Variants in MACF1 observed in about 807,000 individuals in gnomAD.
MACF1 encodes the protein microtubule-actin cross-linking factor 1.
In MACF1, 193 loss-of-function variants were observed where a neutral mutation model predicts 854.8. That is an observed-to-expected ratio of 0.23 (90% confidence interval 0.20 to 0.25). The LOEUF is 0.25. MACF1 is among the 10% of genes least tolerant of loss of function. The pLI, the probability that MACF1 is intolerant of heterozygous loss-of-function variation, is 1.00. For synonymous variants in MACF1, 3,185 were observed against 3,226.7 expected (o/e 0.99, Z 0.44); for missense variants, 7,722 against 8,929.1 (o/e 0.86, Z 5.45).
chr1:39,317,130 A>C (rs1646427302), intron 28 of MACF1, 84 bp from the exon 29 acceptor site: 2 of 1,328,194 alleles, frequency 1.5e-6, no homozygotes, highest in African/African-American at 2.9e-5. Flanking sequence ...ATAGCTGTAG[A>C]CCGTGTCCTT....
intron 2 of MACF1, among the ~76,000 whole-genome samples, chr1:39,154,719 G>A (rs1643648415): frequency 6.8e-6 from 1 of 146,844 alleles, no homozygotes; most frequent in African/African-American, 2.4e-5. Context: ...GCAGGGTAAG[G>A]GATTTTTTTT....
chr1:39,214,995 T>A (rs1230562497), intron 1 of MACF1, among the ~76,000 whole-genome samples: 1 of 152,154 alleles, frequency 6.6e-6, no homozygotes, highest in East Asian at 1.9e-4. Context: ...CAAAGACCAG[T>A]TTCTTCCTAC....
chr1:39,484,762 G>A, intron 100 of MACF1, 32 bp downstream of exon 100: 1 of 1,614,030 alleles, frequency 6.2e-7, no homozygotes, highest in Non-Finnish European at 8.5e-7. Context: ...TACAAGCCAG[G>A]CTGAGAATTT....
intron 23 of MACF1, among the ~76,000 whole-genome samples, chr1:39,306,860 A>AATAATT (rs1553239291): frequency 1.4e-5 from 2 of 144,876 alleles, no homozygotes; most frequent in African/African-American, 5.0e-5. Context: ...CATTTTTTGA[A>AATAATT]ATTATTATTA....
intron 5 of MACF1, 25 bp from the exon 6 acceptor site, chr1:39,257,911 A>G (rs752625062): frequency 2.6e-6 from 4 of 1,549,932 alleles, no homozygotes; most frequent in Non-Finnish European, 3.6e-6. Context: ...TAGAGCTCTG[A>G]GCCGTGCTTT....
chr1:39,485,055 G>A, intron 100 of MACF1: 1 of 391,730 alleles, frequency 2.6e-6, no homozygotes. Flanking sequence ...CAGCTTGCTA[G>A]TAATTTTTCC....
chr1:39,243,758 C>T (rs1644950765), intron 2 of MACF1, among the ~76,000 whole-genome samples: 1 of 152,120 alleles, frequency 6.6e-6, no homozygotes, highest in Admixed American at 6.5e-5. Context: ...TTGTGGAAAA[C>T]TTCACAGGCA....
At chr1:39,463,863 C>T (rs1644607605) in intron 94 of MACF1, 177 bp downstream of exon 94, 6 of 555,778 alleles carry the variant, frequency 1.1e-5, no homozygotes, top group Middle Eastern at 8.4e-4. Flanking sequence ...GAAAACTAGT[C>T]CCATATCTAC....
At position 39,212,613 on chromosome 1, in the gene MACF1, C is replaced by T. The variant is rs554055878; in HGVS notation, c.109+7482C>T. Among the ~76,000 whole-genome samples the T allele has an allele frequency of 3.4e-3, 517 of 152,102 alleles. 1 individual carries two copies. The highest frequency in any genetic ancestry group is 6.8e-3 in the Middle Eastern group (2 of 294). ...GATGTGTCCTAAATCTCTGGTCAAC[C>T]AGTTAAGTATTTTTTATTTTTTATT... is the stretch of plus-strand genomic sequence containing the variant. On this transcript the variant is annotated intron_variant, in intron 1 of 100. Transcript: ENST00000564288.
intron 2 of MACF1, among the ~76,000 whole-genome samples, chr1:39,186,203 T>TCTCTCTCTCTCC (rs879232849): frequency 7.8e-6 from 1 of 128,582 alleles, no homozygotes; most frequent in Non-Finnish European, 1.6e-5. Context: ...TCTCTCTCTC[T>TCTCTCTCTCTCC]CTCTCTCTCT....
chr1:39,335,732 G>C lies in MACF1; in HGVS notation c.9144G>C (p.Val3048=). The C allele has an allele frequency of 9.3e-6, 15 of 1,613,792 alleles. No individual in the cohort carries two copies. Among genetic ancestry groups the C allele is most frequent in the Non-Finnish European group, 1.3e-5 (15 of 1,179,922 alleles). The change falls in exon 37 of 101, where the codon GTG becomes GTC. Residue 3048 remains valine (V), a synonymous_variant. Transcript: ENST00000564288. ...AAATTGAAGAGTCCTCTTCCCAAGT[G>C]GTACCTCAAGGAATTTCTGTAAAAC... ...TFKIEESSSQ[V]VPQGISVKHL...
At chr1:39,475,621 A>G (rs192914780) in intron 97 of MACF1, among the ~76,000 whole-genome samples, 122 of 152,092 alleles carry the variant, frequency 8.0e-4, no homozygotes, top group East Asian at 2.1e-3. Flanking sequence ...ACAAGGGGGC[A>G]TGCACAGGCT....
rs111926621 is a variant in MACF1 at position 39,105,423 on chromosome 1, C to T, written c.220+20985C>T. 0.039 allele frequency: 38,597 copies of T among 987,884 alleles called. 831 individuals are homozygous for T. Among genetic ancestry groups the T allele is most frequent in the Non-Finnish European group, 0.043 (35,506 of 832,600 alleles). 61.2% of individuals were successfully genotyped at this position (987,884 alleles called of 1,614,324 possible). On this transcript the variant is annotated intron_variant, in intron 2 of 93. Coordinates refer to the MACF1 transcript ENST00000361689. This position sits in a 1 kb window ranked among gnomAD's most constrained non-coding sequence, Gnocchi z 5.9. ...GAAACGCGAGCCGGGACCGGCGGAG[C>T]GCGAGCGGGCCGGGTGCGAGCGGAC...
intron 58 of MACF1, chr1:39,410,379 A>G (rs1455745912): frequency 2.5e-6 from 4 of 1,614,018 alleles, no homozygotes; most frequent in Non-Finnish European, 3.4e-6. Context: ...AACGGTCTAT[A>G]TATGATACGA....
At chr1:39,151,586 A>G (rs949762009) in intron 2 of MACF1, among the ~76,000 whole-genome samples, 1 of 152,072 alleles carries the variant, frequency 6.6e-6, no homozygotes, top group Admixed American at 6.5e-5. Context: ...TCATGTTTCT[A>G]CTTTGTTTCC....
At chr1:39,160,783 T>G (rs982674719) in intron 2 of MACF1, among the ~76,000 whole-genome samples, 2 of 152,232 alleles carry the variant, frequency 1.3e-5, no homozygotes, top group African/African-American at 4.8e-5. Context: ...AACCATTGCC[T>G]TTGTCAAATC....
intron 40 of MACF1, among the ~76,000 whole-genome samples, chr1:39,345,485 C>G (rs191588824): frequency 6.6e-6 from 1 of 152,142 alleles, no homozygotes; most frequent in East Asian, 1.9e-4. Context: ...GTGGTGCACA[C>G]GTGTGGTCCC....
intron 2 of MACF1, among the ~76,000 whole-genome samples, chr1:39,100,746 C>G (rs1042616404): frequency 4.0e-5 from 6 of 150,344 alleles, no homozygotes; most frequent in South Asian, 2.1e-4. Context: ...CCCAGCTACT[C>G]GAGAGGCTGA....
chr1:39,097,365 T>C (rs1306930500), intron 2 of MACF1, among the ~76,000 whole-genome samples: 1 of 152,076 alleles, frequency 6.6e-6, no homozygotes, highest in Non-Finnish European at 1.5e-5. Flanking sequence ...ATCCAAAAAA[T>C]GAATTTCAAG....
Sources: allele counts gnomAD v4.1 joint callset (sites outside exome capture counted in the v4.1 genomes callset), GRCh38; gene constraint gnomAD v4.1.1; non-coding constraint Gnocchi (gnomAD v3.1); transcripts MANE v1.5; gene names NCBI Gene and HGNC (gene_info 2026-07-23, HGNC 2026-07-21).